Variants in NUGGC observed in about 807,000 individuals in gnomAD.
The protein encoded by NUGGC is nuclear GTPase SLIP-GC.
Under a neutral mutation model 92.6 loss-of-function variants are expected in NUGGC, and 58 were observed. The observed-to-expected ratio is 0.63, with a 90% CI of 0.51 to 0.78. The LOEUF is 0.78. NUGGC is among the 30% of genes least tolerant of loss of function. The pLI, the probability that NUGGC is intolerant of heterozygous loss-of-function variation, is 0.00. For missense variants in NUGGC, 925 were observed against 964.6 expected (o/e 0.96, Z 0.54); for synonymous variants, 376 against 366.4 (o/e 1.03, Z -0.30).
chr8:28,058,867 C>T (rs1810220093), intron 8 of NUGGC, among the ~76,000 whole-genome samples: 1 of 151,892 alleles, frequency 6.6e-6, no homozygotes, highest in Non-Finnish European at 1.5e-5. Flanking sequence ...CACGCCCGGC[C>T]AATTTATTTT....
intron 3 of NUGGC, among the ~76,000 whole-genome samples, chr8:28,069,903 G>T (rs1464130824): frequency 6.6e-6 from 1 of 152,212 alleles, no homozygotes; most frequent in Non-Finnish European, 1.5e-5. Flanking sequence ...GGTATGCTTG[G>T]CCACGGGCTT....
chr8:28,046,758 G>A (rs1809847089), intron 11 of NUGGC, among the ~76,000 whole-genome samples: 1 of 149,012 alleles, frequency 6.7e-6, no homozygotes, highest in South Asian at 2.1e-4. Flanking sequence ...TCGGCTCACT[G>A]CAACCTCCAC....
At chr8:28,048,331 T>C (rs1052953467) in intron 10 of NUGGC, among the ~76,000 whole-genome samples, 6 of 152,170 alleles carry the variant, frequency 3.9e-5, no homozygotes, top group Non-Finnish European at 7.3e-5. Context: ...ATTCAAATGT[T>C]GAGGTCCCAA....
chr8:28,023,409 C>T lies in NUGGC; in HGVS notation c.2299G>A (p.Val767Ile). 6.2e-7 allele frequency: 1 copy of T among 1,613,978 alleles called. No homozygotes were observed. Among genetic ancestry groups the T allele is most frequent in the Non-Finnish European group, 8.5e-7 (1 of 1,179,888 alleles). ...MEKLHRSLRE[V>I]AENARLRKGM... ...TTCCTCAGCCGTGCATTCTCCGCGA[C>T]CTCCCTCAGGCTTCTGTGCAGCTTC... Residue 767 changes from valine to isoleucine, a missense_variant, in exon 19 of 19, where the codon GTC (valine) becomes ATC (isoleucine). Physicochemically the swap from Val to Ile is conservative, Grantham distance 29. Coordinates refer to ENST00000413272, the MANE Select transcript of NUGGC (RefSeq NM_001010906.2).
In NUGGC at chr8:28,058,368, CCT is replaced by C. The variant is rs1810204064; in HGVS notation, c.1098-94_1098-93del. ...CTTTCCCCAAAAGCAGCACACACTC[CCT>C]GTGTCTGTGCCTTTTCATAAGTTCT... On this transcript the variant is annotated intron_variant, in intron 8 of 18. Transcript: ENST00000413272. The C allele has an allele frequency of 1.2e-5, 3 of 256,596 alleles. 1 individual carries two copies. Among genetic ancestry groups the C allele is most frequent in the Middle Eastern group, 8.3e-4 (2 of 2,412 alleles). 15.9% of individuals were successfully genotyped at this position (256,596 alleles called of 1,614,324 possible).
chr8:28,048,860 CAAAA>C (rs60050826), intron 10 of NUGGC, among the ~76,000 whole-genome samples: 3 of 109,398 alleles, frequency 2.7e-5, no homozygotes, highest in African/African-American at 6.8e-5. Flanking sequence ...GATTCCATCT[CAAAA>C]AAAAAAAAAA....
At chr8:28,055,707 C>T (rs1418843376) in intron 10 of NUGGC, among the ~76,000 whole-genome samples, 1 of 152,156 alleles carries the variant, frequency 6.6e-6, no homozygotes, top group Non-Finnish European at 1.5e-5. Context: ...GCGGTGCATG[C>T]CTATAGTCCC....
intron 17 of NUGGC, among the ~76,000 whole-genome samples, chr8:28,027,284 C>T (rs1374079674): frequency 1.3e-5 from 2 of 152,206 alleles, no homozygotes; most frequent in Non-Finnish European, 2.9e-5. Flanking sequence ...CATCTCCCTC[C>T]CCACCTACAG....
At chr8:28,070,724 TACCTGGGACTACAGGCACAC>T (rs1810570166) in intron 2 of NUGGC, among the ~76,000 whole-genome samples, 2 of 150,920 alleles carry the variant, frequency 1.3e-5, no homozygotes, top group South Asian at 4.2e-4. Context: ...GCCTCTAGAG[TACCTGGGACTACAGGCACAC>T]ACCATCACAC....
intron 13 of NUGGC, among the ~76,000 whole-genome samples, chr8:28,034,131 A>G (rs963235462): frequency 1.2e-4 from 19 of 152,268 alleles, no homozygotes; most frequent in Non-Finnish European, 2.2e-4. Context: ...ACAACGTGCT[A>G]TGACCGGACA....
In NUGGC at chr8:28,030,418, T is replaced by A. The variant is rs772750037; in HGVS notation, c.1909A>T (p.Ile637Leu). ...SCKKNFLIQE[I>L]SAILGGLEDH... ...TCCAGGCCCCCGAGGATGGCACTTATCTGGGAAGATGTGGCAAAAGAGGCC... is the reference window on the plus strand; with the variant it reads ...TCCAGGCCCCCGAGGATGGCACTTAACTGGGAAGATGTGGCAAAAGAGGCC... Residue 637 changes from isoleucine to leucine, a missense_variant and splice_region_variant, in exon 16 of 19, where the codon ATA (isoleucine) becomes TTA (leucine). By Grantham distance (5) the Ile-to-Leu change is conservative. Coordinates refer to ENST00000413272, the MANE Select transcript of NUGGC (RefSeq NM_001010906.2). 8 of 1,542,044 alleles carry A rather than the reference T, an allele frequency of 5.2e-6. 1 individual carries two copies. In the Admixed American group the frequency reaches 1.5e-4, roughly 29 times the overall value.
rs184584091 is a variant in NUGGC at position 28,061,020 on chromosome 8, G to T, written c.922-419C>A. On this transcript the variant is annotated intron_variant, in intron 7 of 18. Coordinates refer to ENST00000413272, the MANE Select transcript of NUGGC (RefSeq NM_001010906.2). ...GCCCAGTGCTTGGCACACAGGAGAG[G>T]CTTCACAGAAGTTTGTGGCATTAGA... Among the ~76,000 whole-genome samples, 552 of 152,324 alleles carry T rather than the reference G, an allele frequency of 3.6e-3. 2 individuals are homozygous for T. Among genetic ancestry groups the T allele is most frequent in the Non-Finnish European group, 6.4e-3 (434 of 68,042 alleles).
chr8:28,051,891 C>T (rs1227582915), intron 10 of NUGGC, among the ~76,000 whole-genome samples: 2 of 151,960 alleles, frequency 1.3e-5, no homozygotes, highest in African/African-American at 4.8e-5. Flanking sequence ...CATTGCACTC[C>T]AGCCTGGGCA....
intron 16 of NUGGC, 82 bp downstream of exon 16, chr8:28,030,228 G>T: frequency 1.3e-6 from 1 of 767,664 alleles, no homozygotes. Flanking sequence ...CAGGGCCTTT[G>T]AGGGAGCCGC....
intron 10 of NUGGC, among the ~76,000 whole-genome samples, chr8:28,053,748 C>T (rs1365844419): frequency 1.3e-5 from 2 of 152,276 alleles, no homozygotes; most frequent in Non-Finnish European, 2.9e-5. Context: ...AAGTATTCTA[C>T]GTTTCCATTT....
At chr8:28,044,516 A>C (rs979432596) in intron 12 of NUGGC, among the ~76,000 whole-genome samples, 3 of 152,236 alleles carry the variant, frequency 2.0e-5, no homozygotes, top group Non-Finnish European at 4.4e-5. Flanking sequence ...AGCTAAAAGC[A>C]GAGCAGCCAA....
Position 28,033,578 on chromosome 8 carries a change from G to A in NUGGC, c.1731C>T (p.Val577=), listed in dbSNP as rs751758025. 6 of 1,614,018 alleles carry A rather than the reference G, an allele frequency of 3.7e-6. No individual in the cohort carries two copies. The highest frequency in any genetic ancestry group is 2.5e-6 in the Non-Finnish European group (3 of 1,179,874). Reference sequence around the variant, plus strand: ...CAAAAACAGGGTCGATCTGGTCATAGACGGGCTGAGTGAGGGCTTCATTTA... The same window carrying A: ...CAAAAACAGGGTCGATCTGGTCATAAACGGGCTGAGTGAGGGCTTCATTTA... ...IDLNEALTQP[V]YDQIDPVFGS... Residue 577 remains valine (V), a synonymous_variant, in exon 14 of 19, where the codon GTC becomes GTT. Transcript: ENST00000413272.
At chr8:28,042,459 T>C (rs1252977053) in intron 12 of NUGGC, among the ~76,000 whole-genome samples, 2 of 152,202 alleles carry the variant, frequency 1.3e-5, no homozygotes, top group Non-Finnish European at 2.9e-5. Flanking sequence ...ATGCTGTCAA[T>C]CTTGTGCCCT....
chr8:28,071,590 G>A lies in NUGGC; in HGVS notation c.44-1234C>T, dbSNP rs139327000. Among the ~76,000 whole-genome samples, 45 of 152,258 alleles carry A rather than the reference G, an allele frequency of 3.0e-4. No individual in the cohort carries two copies. The East Asian group carries it at 5.6e-3, about 19-fold the overall frequency. On this transcript the variant is annotated intron_variant, in intron 2 of 18. Coordinates refer to ENST00000413272, the MANE Select transcript of NUGGC (RefSeq NM_001010906.2). ...TAGAAGCAGATCTTTGTAGCTCTGC[G>A]GAGATTCATTCACTTAAGCAGTTTC...
Sources: gnomAD v4.1 joint callset for allele counts (sites outside exome capture counted in the v4.1 genomes callset) on GRCh38, gnomAD v4.1.1 for gene constraint, MANE v1.5 for transcripts, NCBI Gene and HGNC (gene_info 2026-07-23, HGNC 2026-07-21) for gene names.